Variants in SEC22B observed in about 807,000 individuals in gnomAD.
SEC22B encodes SEC22 homolog B, vesicle trafficking protein.
Under a neutral mutation model 31.4 loss-of-function variants are expected in SEC22B, and 10 were observed. That is an observed-to-expected ratio of 0.32 (90% CI 0.20 to 0.54). The LOEUF is 0.54. SEC22B is among the 20% of genes least tolerant of loss of function. SEC22B has a pLI of 0.94. For synonymous variants in SEC22B, 60 were observed against 95.9 expected, an observed-to-expected ratio of 0.63 and a Z score of 2.19; for missense variants, 130 against 263.4, an observed-to-expected ratio of 0.49 and a Z score of 3.50.
At chr1:120,164,621 T>C (rs1369111600) in intron 2 of SEC22B, among the ~76,000 whole-genome samples, 1 of 152,280 alleles carries the variant, frequency 6.6e-6, no homozygotes, top group Non-Finnish European at 1.5e-5. Flanking sequence ...TATGACTGCA[T>C]AGTATTCCAT....
rs1268100453 is a variant in SEC22B at position 120,156,603 on chromosome 1, C to T, written c.*435G>A. 1.5e-5 allele frequency: 1 copy of T among 65,380 alleles called. No individual in the cohort carries two copies. Among genetic ancestry groups the T allele is most frequent in the African/African-American group, 4.8e-5 (1 of 21,038 alleles). 4.0% of individuals were successfully genotyped at this position (65,380 alleles called of 1,614,324 possible). A position where few individuals can be genotyped will look rare whatever the true frequency, so the allele number is the denominator to read the frequency against. On this transcript the variant is annotated 3_prime_UTR_variant, in exon 5 of 5. Transcript: ENST00000578049. The stretch of plus-strand genomic sequence containing the variant: ...CAACAAAAGGAATGTTGATTAGAGT[C>T]AAAAAAAAAAAAAAAAAAAAAAACA...
rs1311876553 is a variant in SEC22B, at chr1:120,153,206, A to G, written c.*3832T>C. ...TATCTCAAACTCTGTCACACATACAATGACTGCTATTTACCTTCCTCCTGA... is the reference window on the plus strand; with the variant it reads ...TATCTCAAACTCTGTCACACATACAGTGACTGCTATTTACCTTCCTCCTGA... On this transcript the variant is annotated 3_prime_UTR_variant, in exon 5 of 5. Coordinates refer to ENST00000578049, the MANE Select transcript of SEC22B (RefSeq NM_004892.6). 3.3e-4 allele frequency: 49 copies of G among 150,486 alleles called. No individual in the cohort carries two copies. The highest frequency in any genetic ancestry group is 1.2e-3 in the African/African-American group (47 of 40,112). The allele number at this position is 150,486 out of a possible 1,614,324, so 9.3% of individuals were successfully genotyped here.
rs1182495446 is a variant in SEC22B at position 120,164,868 on chromosome 1, C to T, written c.186-1498G>A. ...TTTCCACAGTGGCTGAATTTACATT[C>T]CCACGAACAGTGTATAAGCAATTCC... is the stretch of plus-strand genomic sequence containing the variant. On this transcript the variant is annotated intron_variant, in intron 2 of 4. Coordinates refer to ENST00000578049, the MANE Select transcript of SEC22B (RefSeq NM_004892.6). Among the ~76,000 whole-genome samples, 345 of 152,256 alleles carry T rather than the reference C, an allele frequency of 2.3e-3. 1 individual carries two copies. The highest frequency in any genetic ancestry group is 3.4e-3 in the Non-Finnish European group (232 of 68,014).
At chr1:120,176,117 C>G (rs1438952374) in intron 1 of SEC22B, among the ~76,000 whole-genome samples, 190 bp downstream of exon 1, 1 of 152,212 alleles carries the variant, frequency 6.6e-6, no homozygotes, top group Non-Finnish European at 1.5e-5. Context: ...AAAAACTTAA[C>G]TCCTCCTTCA....
chr1:120,171,518 A>G (rs1657894157), intron 1 of SEC22B, among the ~76,000 whole-genome samples: 1 of 106,852 alleles, frequency 9.4e-6, no homozygotes. Context: ...TTCAGTTAGC[A>G]TTACCATCCT....
chr1:120,167,657 C>G (rs1160441178), intron 2 of SEC22B, among the ~76,000 whole-genome samples: 35,375 of 151,136 alleles, frequency 0.23, 6,774 homozygotes, highest in African/African-American at 0.53. Context: ...GTCTCTCTCT[C>G]TACTAAGAGA....
In SEC22B at chr1:120,176,487, T is replaced by C; in HGVS notation, c.-106A>G. On this transcript the variant is annotated 5_prime_UTR_variant, in exon 1 of 5. Transcript: ENST00000578049. The stretch of plus-strand genomic sequence containing the variant: ...TACCCTATGTCTCAGTTACCGGAGA[T>C]CCAGCTGCTTGCGTCTCCGCTTCCC... The C allele has an allele frequency of 1.0e-6, 1 of 993,392 alleles. No individual in the cohort carries two copies. The highest frequency in any genetic ancestry group is 2.7e-5 in the East Asian group (1 of 36,766). The allele number at this position is 993,392 out of a possible 1,614,324, so 61.5% of individuals were successfully genotyped here. A position where few individuals can be genotyped will look rare whatever the true frequency, so the allele number is the denominator to read the frequency against.
Position 120,156,469 on chromosome 1 carries a change from CA to C in SEC22B, c.*568del, listed in dbSNP as rs1287087870. On this transcript the variant is annotated 3_prime_UTR_variant, in exon 5 of 5. Coordinates refer to ENST00000578049, the MANE Select transcript of SEC22B (RefSeq NM_004892.6). ...GAAAACAACAAAGGTTAACTTTCTACAGGGGCCAATAGACAAGATCTGTGGA... is the reference window on the plus strand; with the variant it reads ...GAAAACAACAAAGGTTAACTTTCTACGGGGCCAATAGACAAGATCTGTGGA... 6.9e-6 allele frequency: 1 copy of C among 145,108 alleles called. No homozygotes were observed. Among genetic ancestry groups the C allele is most frequent in the Admixed American group, 6.9e-5 (1 of 14,430 alleles). 9.0% of individuals were successfully genotyped at this position (145,108 alleles called of 1,614,324 possible).
chr1:120,173,974 CAA>C (rs1176976804), intron 1 of SEC22B, among the ~76,000 whole-genome samples: 1 of 135,728 alleles, frequency 7.4e-6, no homozygotes, highest in Non-Finnish European at 1.6e-5. Context: ...TACAAACAAA[CAA>C]AGTGGGGAAG....
chr1:120,175,644 G>C, intron 1 of SEC22B, among the ~76,000 whole-genome samples: 1 of 152,264 alleles, frequency 6.6e-6, no homozygotes, highest in East Asian at 1.9e-4. Flanking sequence ...GCACCTACTA[G>C]CATAAAGCAG....
rs1330387040 is a variant in SEC22B at position 120,152,535 on chromosome 1, T to C, written c.*4503A>G. 6.7e-6 allele frequency: 1 copy of C among 150,036 alleles called. No individual in the cohort carries two copies. Among genetic ancestry groups the C allele is most frequent in the Non-Finnish European group, 1.5e-5 (1 of 67,806 alleles). 9.3% of individuals were successfully genotyped at this position (150,036 alleles called of 1,614,324 possible). On this transcript the variant is annotated 3_prime_UTR_variant, in exon 5 of 5. Transcript: ENST00000578049. ...TTTTTTTTAAGGGCTAAAATTTTAG[T>C]GAATCAGATGTGGAAAACAGTTGGA...
chr1:120,168,574 G>C (rs1296073414), intron 2 of SEC22B, among the ~76,000 whole-genome samples: 4 of 150,868 alleles, frequency 2.7e-5, no homozygotes, highest in African/African-American at 9.8e-5. Flanking sequence ...CACATATCTG[G>C]CTCCAAGACA....
intron 3 of SEC22B, 118 bp downstream of exon 3, chr1:120,163,092 G>A (rs1190193721): frequency 1.6e-6 from 1 of 611,536 alleles, no homozygotes; most frequent in Admixed American, 3.2e-5. Flanking sequence ...GGATGCAGAA[G>A]CTAAAACTTC....
In SEC22B at chr1:120,153,435, T is replaced by C. The variant is rs1938245; in HGVS notation, c.*3603A>G. On this transcript the variant is annotated 3_prime_UTR_variant, in exon 5 of 5. Transcript: ENST00000578049. ...ATTATACATGTTTTATTAAACCCTATATGTGCAGAAATGATTGTCCATTTT... is the reference window on the plus strand; with the variant it reads ...ATTATACATGTTTTATTAAACCCTACATGTGCAGAAATGATTGTCCATTTT... 3 of 150,754 alleles carry C rather than the reference T, an allele frequency of 2.0e-5. No individual in the cohort carries two copies. The highest frequency in any genetic ancestry group is 2.9e-5 in the Non-Finnish European group (2 of 67,808). The allele number at this position is 150,754 out of a possible 1,614,324, so 9.3% of individuals were successfully genotyped here.
At chr1:120,167,090 A>G (rs1657824846) in intron 2 of SEC22B, among the ~76,000 whole-genome samples, 1 of 150,882 alleles carries the variant, frequency 6.6e-6, no homozygotes, top group Non-Finnish European at 1.5e-5. Context: ...AATAATATTA[A>G]TAATACAGCT....
chr1:120,155,109 T>G lies in SEC22B; in HGVS notation c.*1929A>C, dbSNP rs1331176332. 1 of 151,872 alleles carries G rather than the reference T, an allele frequency of 6.6e-6. No homozygotes were observed. Among genetic ancestry groups the G allele is most frequent in the African/African-American group, 2.4e-5 (1 of 41,410 alleles). The allele number at this position is 151,872 out of a possible 1,614,324, so 9.4% of individuals were successfully genotyped here. A position where few individuals can be genotyped will look rare whatever the true frequency, so the allele number is the denominator to read the frequency against. On this transcript the variant is annotated 3_prime_UTR_variant, in exon 5 of 5. Transcript: ENST00000578049. ...CCTTTGTTGACAATTACCCCACCCC[T>G]TATTTCTTAATTAGCCCAACAAGAT... is the stretch of plus-strand genomic sequence containing the variant.
In SEC22B at chr1:120,164,139, T is replaced by C. The variant is rs1358740831; in HGVS notation, c.186-769A>G. ...CACACCCAGCTAATTTTTGTATTTT[T>C]AGTAGAGATGGGGTTTCACCATTTT... On this transcript the variant is annotated intron_variant, in intron 2 of 4. Coordinates refer to ENST00000578049, the MANE Select transcript of SEC22B (RefSeq NM_004892.6). Among the ~76,000 whole-genome samples the C allele has an allele frequency of 7.7e-3, 1,132 of 147,530 alleles. 8 individuals carry two copies. Among genetic ancestry groups the C allele is most frequent in the African/African-American group, 0.027 (1,046 of 39,428 alleles).
In SEC22B at chr1:120,152,596, G is replaced by A. The variant is rs1199615302; in HGVS notation, c.*4442C>T. ...GATCAAATGAGAAAGGAGCAAATAA[G>A]GAAAGAGGTATTACAAACCAAGAGT... On this transcript the variant is annotated 3_prime_UTR_variant, in exon 5 of 5. Transcript: ENST00000578049. 6.7e-6 allele frequency: 1 copy of A among 148,962 alleles called. No homozygotes were observed. Among genetic ancestry groups the A allele is most frequent in the Middle Eastern group, 3.4e-3 (1 of 294 alleles). 9.2% of individuals were successfully genotyped at this position (148,962 alleles called of 1,614,324 possible). A position where few individuals can be genotyped will look rare whatever the true frequency, so the allele number is the denominator to read the frequency against.
At chr1:120,171,850 T>C (rs1657900460) in intron 1 of SEC22B, among the ~76,000 whole-genome samples, 1 of 150,228 alleles carries the variant, frequency 6.7e-6, no homozygotes, top group Non-Finnish European at 1.5e-5. Flanking sequence ...TTCTACAATA[T>C]GCACAAATTA....
Sources: gnomAD v4.1 joint callset for allele counts (sites outside exome capture counted in the v4.1 genomes callset) on GRCh38, gnomAD v4.1.1 for gene constraint, MANE v1.5 for transcripts, NCBI Gene and HGNC (gene_info 2026-07-23, HGNC 2026-07-21) for gene names.